The following PTPRT variants were observed in gnomAD, a reference collection of about 807,000 sequenced individuals.
PTPRT encodes the protein receptor-type tyrosine-protein phosphatase T.
PTPRT carries 56 observed loss-of-function variants against 176.8 expected under a neutral mutation model. The observed-to-expected ratio is 0.32, with a 90% CI of 0.26 to 0.40. PTPRT has a LOEUF of 0.40. Ranked by LOEUF, PTPRT falls within the 10% of genes least tolerant of loss-of-function variation. PTPRT has a pLI of 1.00. For missense variants in PTPRT, 1,540 were observed against 1,908.2 expected (o/e 0.81, Z 3.60); for synonymous variants, 783 against 739.0 (o/e 1.06, Z -0.96).
At chr20:42,382,575 T>C (rs372239990) in intron 9 of PTPRT, among the ~76,000 whole-genome samples, 5 of 151,928 alleles carry the variant, frequency 3.3e-5, no homozygotes, top group Non-Finnish European at 7.4e-5. Flanking sequence ...GAGAGTGTCA[T>C]GGAGATGGGT....
intron 7 of PTPRT, among the ~76,000 whole-genome samples, chr20:42,675,035 C>T (rs903100754): frequency 9.2e-5 from 14 of 152,186 alleles, no homozygotes; most frequent in Admixed American, 7.2e-4. Flanking sequence ...GAGCCACCTA[C>T]GAATACATGC....
chr20:42,618,861 T>C (rs1395147225), intron 7 of PTPRT, among the ~76,000 whole-genome samples: 3 of 145,996 alleles, frequency 2.1e-5, no homozygotes, highest in African/African-American at 5.3e-5. Context: ...GTTTCCTGAA[T>C]ACAGCACACT....
At chr20:42,106,641 G>T in intron 24 of PTPRT, 145 bp downstream of exon 24, 1 of 1,101,362 alleles carries the variant, frequency 9.1e-7, no homozygotes, top group Non-Finnish European at 1.3e-6. Flanking sequence ...ACCATAGTAA[G>T]CCACGTGTCT....
intron 16 of PTPRT, among the ~76,000 whole-genome samples, chr20:42,196,670 G>C (rs1991228843): frequency 6.6e-6 from 1 of 152,132 alleles, no homozygotes; most frequent in Non-Finnish European, 1.5e-5. Context: ...CCATTTTCTT[G>C]TCAACCCTGG....
rs184451947 is a variant in PTPRT, at chr20:42,713,780, G to A, written c.860-35621C>T. ...CTTGGTACTGTCCTTACTATAGTGA[G>A]TGAGTTCTCTTAAAAGCTGGTCATT... is the stretch of plus-strand genomic sequence containing the variant. On this transcript the variant is annotated intron_variant, in intron 6 of 30. Transcript: ENST00000373187. Among the ~76,000 whole-genome samples the A allele has an allele frequency of 5.9e-5, 9 of 152,228 alleles. No individual in the cohort carries two copies. The East Asian group carries it at 1.7e-3, about 29-fold the overall frequency.
intron 19 of PTPRT, among the ~76,000 whole-genome samples, chr20:42,127,339 G>C (rs1271401059): frequency 2.0e-5 from 3 of 152,072 alleles, no homozygotes; most frequent in Non-Finnish European, 2.9e-5. Context: ...GGAGTGAGAT[G>C]GAGAATACAC....
At chr20:43,112,284 C>T (rs143585770) in intron 1 of PTPRT, among the ~76,000 whole-genome samples, 3 of 152,264 alleles carry the variant, frequency 2.0e-5, no homozygotes, top group Admixed American at 2.0e-4. Context: ...AAAAGTCAAA[C>T]TCATAAATCT....
chr20:43,170,172 A>G (rs1466148555), intron 1 of PTPRT, among the ~76,000 whole-genome samples: 1 of 149,556 alleles, frequency 6.7e-6, no homozygotes. Context: ...CTCGATATAT[A>G]TACGGGGGAA....
chr20:42,705,718 G>A (rs2076043802), intron 6 of PTPRT, among the ~76,000 whole-genome samples: 1 of 152,070 alleles, frequency 6.6e-6, no homozygotes, highest in African/African-American at 2.4e-5. Flanking sequence ...ATTTAATGCA[G>A]TCCTCATGGC....
intron 6 of PTPRT, among the ~76,000 whole-genome samples, chr20:42,740,549 C>T (rs865877977): frequency 2.0e-5 from 3 of 152,128 alleles, no homozygotes; most frequent in African/African-American, 7.2e-5. Context: ...ATGTCCCAGC[C>T]CAGGTAGGTG....
At chr20:42,176,968 C>A (rs1206976786) in intron 16 of PTPRT, among the ~76,000 whole-genome samples, 1 of 152,184 alleles carries the variant, frequency 6.6e-6, no homozygotes, top group Non-Finnish European at 1.5e-5. Flanking sequence ...ACTACAAAGA[C>A]AACGGGACAT....
chr20:42,943,797 T>TCCAGCCTGGGAGTTCAAGA (rs1980715667), intron 1 of PTPRT, among the ~76,000 whole-genome samples: 1 of 151,966 alleles, frequency 6.6e-6, no homozygotes, highest in Non-Finnish European at 1.5e-5. Flanking sequence ...GGAAGATCAT[T>TCCAGCCTGGGAGTTCAAGA]CCAGCCTGGG....
At chr20:42,807,425 G>T (rs1490684368) in intron 2 of PTPRT, among the ~76,000 whole-genome samples, 2 of 152,142 alleles carry the variant, frequency 1.3e-5, no homozygotes, top group African/African-American at 4.8e-5. Flanking sequence ...GATTCCCAAA[G>T]TCTCTTAAGG....
intron 16 of PTPRT, among the ~76,000 whole-genome samples, chr20:42,180,859 A>T (rs1990489789): frequency 6.6e-6 from 1 of 152,228 alleles, no homozygotes; most frequent in East Asian, 1.9e-4. Context: ...GAGGGAGTAC[A>T]TTATAGTAGT....
chr20:42,159,487 A>C (rs1221056652), intron 17 of PTPRT, among the ~76,000 whole-genome samples: 1 of 151,816 alleles, frequency 6.6e-6, no homozygotes, highest in Admixed American at 6.6e-5. Context: ...ACATTTGTTC[A>C]ACAAGCAGGT....
intron 1 of PTPRT, among the ~76,000 whole-genome samples, chr20:43,061,216 C>A (rs1987448458): frequency 6.6e-6 from 1 of 152,126 alleles, no homozygotes; most frequent in Non-Finnish European, 1.5e-5. Flanking sequence ...CCTCTTAACT[C>A]CTTTCCGTCA....
intron 7 of PTPRT, among the ~76,000 whole-genome samples, chr20:42,672,679 C>T (rs1411925621): frequency 2.6e-5 from 4 of 152,220 alleles, no homozygotes; most frequent in South Asian, 2.1e-4. Context: ...TGGGATGCTG[C>T]GCTACAGGCA....
chr20:42,928,887 G>A (rs934277500), intron 1 of PTPRT, among the ~76,000 whole-genome samples: 2 of 152,168 alleles, frequency 1.3e-5, no homozygotes, highest in Admixed American at 1.3e-4. Flanking sequence ...TACTGACCCT[G>A]TCAGTCCCAT....
At chr20:42,985,532 A>G (rs1983523875) in intron 1 of PTPRT, among the ~76,000 whole-genome samples, 1 of 152,166 alleles carries the variant, frequency 6.6e-6, no homozygotes, top group South Asian at 2.1e-4. Context: ...ACAGTGGCCA[A>G]CAGAACAGAA....
Sources: allele counts gnomAD v4.1 joint callset (sites outside exome capture counted in the v4.1 genomes callset), GRCh38; gene constraint gnomAD v4.1.1; transcripts MANE v1.5; gene names NCBI Gene and HGNC (gene_info 2026-07-23, HGNC 2026-07-21).